The following CPS1 variants were observed in gnomAD, a reference collection of about 807,000 sequenced individuals.
CPS1 encodes carbamoyl-phosphate synthase 1, also known as carbamoyl-phosphate synthase [ammonia], mitochondrial.
CPS1 carries 109 observed loss-of-function variants against 174.6 expected under a neutral mutation model. The observed-to-expected ratio is 0.62, with a 90% confidence interval of 0.53 to 0.73. The LOEUF is 0.73. Ranked by LOEUF, CPS1 falls within the 30% of genes least tolerant of loss-of-function variation. CPS1 has a pLI of 0.00. For synonymous variants in CPS1, 637 were observed against 632.0 expected (o/e 1.01, Z -0.12); for missense variants, 1,689 against 1,821.9 (o/e 0.93, Z 1.33).
intron 5 of CPS1, among the ~76,000 whole-genome samples, chr2:210,581,021 G>A (rs1697906779): frequency 6.6e-6 from 1 of 152,058 alleles, no homozygotes; most frequent in South Asian, 2.1e-4. Flanking sequence ...CCCATGACCA[G>A]AAGGAAGACA....
At chr2:210,577,366 A>C in intron 3 of CPS1, 55 bp from the exon 4 acceptor site, 15 of 1,339,896 alleles carry the variant, frequency 1.1e-5, no homozygotes, top group Non-Finnish European at 1.5e-5. Context: ...TTGACTCACA[A>C]GAGTTGGATA....
chr2:210,487,237 C>T (rs1369285467), intron 1 of CPS1, among the ~76,000 whole-genome samples: 3 of 152,272 alleles, frequency 2.0e-5, no homozygotes, highest in South Asian at 2.1e-4. Flanking sequence ...TGGCTTCAGC[C>T]GGAGTGCTCA....
In CPS1 at chr2:210,605,266, G is replaced by A; in HGVS notation, c.1981+20G>A. On this transcript the variant is annotated intron_variant, in intron 17 of 37. Transcript: ENST00000233072. ...ACACAGGTAGGCAAAGTATCTTCAA[G>A]AACTATAGTAATGCTTTCAGTTCAT... The A allele has an allele frequency of 2.5e-6, 4 of 1,611,342 alleles. No homozygotes were observed. Among genetic ancestry groups the A allele is most frequent in the Non-Finnish European group, 3.4e-6 (4 of 1,178,206 alleles).
intron 23 of CPS1, 133 bp from the exon 24 acceptor site, chr2:210,639,863 C>T: frequency 1.4e-6 from 1 of 693,242 alleles, no homozygotes; most frequent in East Asian, 2.6e-5. Flanking sequence ...TATGGGTTTC[C>T]AGAGACTAAT....
intron 1 of CPS1, among the ~76,000 whole-genome samples, chr2:210,565,074 T>G (rs2106055149): frequency 6.6e-6 from 1 of 152,034 alleles, no homozygotes; most frequent in East Asian, 1.9e-4. Context: ...TATAGCTATT[T>G]TTGTAATTCA....
At chr2:210,533,399 C>G (rs1696165630) in intron 1 of CPS1, among the ~76,000 whole-genome samples, 1 of 152,148 alleles carries the variant, frequency 6.6e-6, no homozygotes, top group Non-Finnish European at 1.5e-5. Context: ...CCCATTTAAT[C>G]TTCACTACAA....
intron 1 of CPS1, among the ~76,000 whole-genome samples, chr2:210,515,374 T>G (rs1695655163): frequency 6.6e-6 from 1 of 151,776 alleles, no homozygotes; most frequent in Non-Finnish European, 1.5e-5. Flanking sequence ...TGATTCAATT[T>G]TGGAACTTGA....
intron 2 of CPS1, among the ~76,000 whole-genome samples, chr2:210,575,262 G>T (rs1360481100): frequency 4.6e-5 from 7 of 151,958 alleles, no homozygotes; most frequent in African/African-American, 1.4e-4. Context: ...AAACTTTATT[G>T]GTTTCAAAGT....
intron 1 of CPS1, among the ~76,000 whole-genome samples, chr2:210,522,617 G>C (rs1402404693): frequency 2.0e-5 from 3 of 151,926 alleles, no homozygotes; most frequent in Non-Finnish European, 2.9e-5. Flanking sequence ...TGGCTACCAA[G>C]GAACATCCTT....
At chr2:210,600,110 G>T (rs970470675) in intron 14 of CPS1, among the ~76,000 whole-genome samples, 21 of 148,614 alleles carry the variant, frequency 1.4e-4, no homozygotes, top group African/African-American at 5.2e-4. Flanking sequence ...TAACTTGTAT[G>T]TCAAAAAAAA....
At chr2:210,674,471 CAAA>C (rs66758310) in intron 34 of CPS1, 4 of 78,892 alleles carry the variant, frequency 5.1e-5, no homozygotes, top group Non-Finnish European at 5.3e-5. Context: ...AACCCCATCT[CAAA>C]AAAAAAAACC....
rs2105986017 is a variant in CPS1, at chr2:210,519,634, A to T, written c.4-37085A>T. Reference sequence around the variant, plus strand: ...TATTTCCTGCCCTACATGGATTTTGAACTTGAATTCCCAGCCTCGCTTGCA... The same window carrying T: ...TATTTCCTGCCCTACATGGATTTTGTACTTGAATTCCCAGCCTCGCTTGCA... On this transcript the variant is annotated intron_variant, in intron 1 of 38. Transcript: ENST00000430249. 3 of 406,418 alleles carry T rather than the reference A, an allele frequency of 7.4e-6. 1 individual carries two copies. Among genetic ancestry groups the T allele is most frequent in the Middle Eastern group, 2.5e-3 (2 of 814 alleles). 25.2% of individuals were successfully genotyped at this position (406,418 alleles called of 1,614,324 possible). A position where few individuals can be genotyped will look rare whatever the true frequency, so the allele number is the denominator to read the frequency against.
chr2:210,533,067 C>T (rs752931771), intron 1 of CPS1, among the ~76,000 whole-genome samples: 1 of 151,948 alleles, frequency 6.6e-6, no homozygotes, highest in African/African-American at 2.4e-5. Flanking sequence ...GGAGGGAAGT[C>T]GCTTTACAGG....
At chr2:210,498,636 C>T (rs1180199943) in intron 1 of CPS1, among the ~76,000 whole-genome samples, 2 of 152,100 alleles carry the variant, frequency 1.3e-5, no homozygotes, top group African/African-American at 4.8e-5. Flanking sequence ...ATTTGGATGC[C>T]TTTTATTTCC....
Position 210,678,181 on chromosome 2 carries a change from G to C in CPS1, c.*196G>C. On this transcript the variant is annotated 3_prime_UTR_variant, in exon 38 of 38. Coordinates refer to ENST00000233072, the MANE Select transcript of CPS1 (RefSeq NM_001875.5). ...TTCAAAACCTTACAGTCCTTCCTAAGTTACTCTTCATGAGATTTCATCCAT... is the reference window on the plus strand; with the variant it reads ...TTCAAAACCTTACAGTCCTTCCTAACTTACTCTTCATGAGATTTCATCCAT... 1.5e-6 allele frequency: 1 copy of C among 655,358 alleles called. No individual in the cohort carries two copies. 40.6% of individuals were successfully genotyped at this position (655,358 alleles called of 1,614,324 possible).
chr2:210,648,166 A>G, intron 26 of CPS1, 109 bp downstream of exon 26: 1 of 1,081,592 alleles, frequency 9.2e-7, no homozygotes, highest in Non-Finnish European at 1.4e-6. Context: ...GGCAGATAGA[A>G]TGCATACACT....
chr2:210,582,292 G>C, intron 5 of CPS1, among the ~76,000 whole-genome samples: 1 of 152,006 alleles, frequency 6.6e-6, no homozygotes, highest in Non-Finnish European at 1.5e-5. Context: ...CATATACGCT[G>C]AGTAGTGTAA....
rs937724298 is a variant in CPS1, at chr2:210,593,234, T to C, written c.1164+278T>C. 3 of 703,484 alleles carry C rather than the reference T, an allele frequency of 4.3e-6. No individual in the cohort carries two copies. In the African/African-American group the frequency reaches 5.4e-5, roughly 13 times the overall value. The allele number at this position is 703,484 out of a possible 1,614,324, so 43.6% of individuals were successfully genotyped here. A position where few individuals can be genotyped will look rare whatever the true frequency, so the allele number is the denominator to read the frequency against. On this transcript the variant is annotated intron_variant, in intron 11 of 37. Coordinates refer to ENST00000233072, the MANE Select transcript of CPS1 (RefSeq NM_001875.5). ...CATTCTAATATATTTAGTTCTGAAA[T>C]TTACAATTGTTGTACTATGCAAATG...
intron 25 of CPS1, among the ~76,000 whole-genome samples, chr2:210,645,102 G>A (rs781415079): frequency 1.3e-5 from 2 of 152,110 alleles, no homozygotes; most frequent in Non-Finnish European, 2.9e-5. Flanking sequence ...TTTGGTGTTG[G>A]ATCAATTTGA....
Sources: gnomAD v4.1 joint callset for allele counts (sites outside exome capture counted in the v4.1 genomes callset) on GRCh38, gnomAD v4.1.1 for gene constraint, MANE v1.5 for transcripts, NCBI Gene and HGNC (gene_info 2026-07-23, HGNC 2026-07-21) for gene names.